The following GATD1 variants were observed in gnomAD, a reference collection of about 807,000 sequenced individuals.
GATD1 encodes glutamine amidotransferase class 1 domain containing 1, also known as glutamine amidotransferase-like class 1 domain-containing protein 1.
In GATD1, 23 loss-of-function variants were observed where a neutral mutation model predicts 25.9. The observed-to-expected ratio is 0.89, with a 90% CI of 0.64 to 1.26. The LOEUF (loss-of-function observed/expected upper bound fraction) is 1.26. Among genes scored for constraint, GATD1 ranks in the 50% most tolerant of loss-of-function variants. The pLI is 0.00. For missense variants in GATD1, 347 were observed against 312.5 expected (o/e 1.11, Z -0.83); for synonymous variants, 177 against 134.6 (o/e 1.31, Z -2.18).
Position 769,093 on chromosome 11 carries a change from C to A in GATD1, c.*1804G>T. 2.1e-6 allele frequency: 2 copies of A among 946,254 alleles called. No homozygotes were observed. Among genetic ancestry groups the A allele is most frequent in the Non-Finnish European group, 2.5e-6 (2 of 810,882 alleles). 58.6% of individuals were successfully genotyped at this position (946,254 alleles called of 1,614,324 possible). A position where few individuals can be genotyped will look rare whatever the true frequency, so the allele number is the denominator to read the frequency against. ...TCCAGCCTGGGTGACGAGAGACAAACTCCATCTCAAAAAATAAATAAAATA... is the reference window on the plus strand; with the variant it reads ...TCCAGCCTGGGTGACGAGAGACAAAATCCATCTCAAAAAATAAATAAAATA... On this transcript the variant is annotated 3_prime_UTR_variant, in exon 8 of 8. Coordinates refer to ENST00000319863, the MANE Select transcript of GATD1 (RefSeq NM_182612.4).
At position 769,859 on chromosome 11, in the gene GATD1, G is replaced by A. The variant is rs1357062333; in HGVS notation, c.*1038C>T. ...TCTCGATCTCCTGACCTCGTGATCC[G>A]CCCGCCTCGGCCTCCCAAAGTGCTG... On this transcript the variant is annotated 3_prime_UTR_variant, in exon 8 of 8. Coordinates refer to ENST00000319863, the MANE Select transcript of GATD1 (RefSeq NM_182612.4). 71 of 894,450 alleles carry A rather than the reference G, an allele frequency of 7.9e-5. No individual in the cohort carries two copies. Among genetic ancestry groups the A allele is most frequent in the Non-Finnish European group, 9.0e-5 (67 of 748,220 alleles). 55.4% of individuals were successfully genotyped at this position (894,450 alleles called of 1,614,324 possible).
chr11:775,089 T>C lies in GATD1; in HGVS notation c.118A>G (p.Asn40Asp). The change falls in exon 2 of 8, where the codon AAC (asparagine) becomes GAC (aspartate). Residue 40 changes from asparagine to aspartate, a missense_variant. Coordinates refer to ENST00000319863, the MANE Select transcript of GATD1 (RefSeq NM_182612.4). ...HCFTMASTAF[N>D]LQVATPGGKA... ...ACCCCAGGGGTGGCCACCTGCAGGT[T>C]GAAGGCGGTGCTGGCCATCGTGAAA... 6.2e-7 allele frequency: 1 copy of C among 1,605,094 alleles called. No homozygotes were observed. Among genetic ancestry groups the C allele is most frequent in the Non-Finnish European group, 8.5e-7 (1 of 1,177,034 alleles).
chr11:767,450 G>C lies in GATD1; in HGVS notation c.*3447C>G, dbSNP rs1456374850. The C allele has an allele frequency of 1.4e-6, 2 of 1,470,114 alleles. No homozygotes were observed. Among genetic ancestry groups the C allele is most frequent in the Admixed American group, 5.1e-5 (2 of 39,190 alleles). The allele number at this position is 1,470,114 out of a possible 1,614,324, so 91.1% of individuals were successfully genotyped here. A position where few individuals can be genotyped will look rare whatever the true frequency, so the allele number is the denominator to read the frequency against. On this transcript the variant is annotated 3_prime_UTR_variant, in exon 8 of 8. Coordinates refer to ENST00000319863, the MANE Select transcript of GATD1 (RefSeq NM_182612.4). ...TCGCACGCAGCTGAGGAATGACGCA[G>C]GGGCCTGCAGGCAGCTCACGCGGAG...
chr11:767,259 G>C lies in GATD1; in HGVS notation c.*3638C>G, dbSNP rs1393373807. 3.3e-6 allele frequency: 5 copies of C among 1,536,030 alleles called. No individual in the cohort carries two copies. The highest frequency in any genetic ancestry group is 4.4e-6 in the Non-Finnish European group (5 of 1,146,892). ...TGCATGGTTTTATTCCTCATGGGTAGATGAACACACACTGGTATATGGGGA... is the reference window on the plus strand; with the variant it reads ...TGCATGGTTTTATTCCTCATGGGTACATGAACACACACTGGTATATGGGGA... On this transcript the variant is annotated 3_prime_UTR_variant, in exon 8 of 8. Transcript: ENST00000319863.
rs775258131 is a variant in GATD1, at chr11:771,025, G to A, written c.624C>T (p.Ala208=). The stretch of plus-strand genomic sequence containing the variant: ...CACAGAGGAAGAGCAGGTTCTGCAC[G>A]GCCGGGACAGTGGAGCTGGCATTCT... ...TGQNASSTVP[A]VQNLLFLCGS... is the part of the protein sequence containing the mutation. Residue 208 remains alanine, a synonymous_variant, in exon 7 of 8, where the codon GCC becomes GCT. Transcript: ENST00000319863. 1.4e-5 allele frequency: 22 copies of A among 1,613,076 alleles called. No individual in the cohort carries two copies. The highest frequency in any genetic ancestry group is 6.7e-5 in the African/African-American group (5 of 74,944).
At chr11:773,423 C>T in intron 4 of GATD1, 99 bp downstream of exon 4, 1 of 1,009,846 alleles carries the variant, frequency 9.9e-7, no homozygotes, top group Non-Finnish European at 1.5e-6. Flanking sequence ...TCCAGAAACG[C>T]CTACCTGGAG....
In GATD1 at chr11:770,505, C is replaced by T; in HGVS notation, c.*392G>A. ...AGTGAAAGAGGTGGTGGGTGGCAGA[C>T]AGGCCACAGCAGGGCAAACCCACAC... On this transcript the variant is annotated 3_prime_UTR_variant, in exon 8 of 8. Transcript: ENST00000319863. 3 of 1,431,290 alleles carry T rather than the reference C, an allele frequency of 2.1e-6. No homozygotes were observed. Among genetic ancestry groups the T allele is most frequent in the South Asian group, 2.9e-5 (2 of 67,808 alleles). The allele number at this position is 1,431,290 out of a possible 1,614,324, so 88.7% of individuals were successfully genotyped here. A position where few individuals can be genotyped will look rare whatever the true frequency, so the allele number is the denominator to read the frequency against.
At chr11:775,755 C>A (rs1863896307) in intron 1 of GATD1, among the ~76,000 whole-genome samples, 1 of 152,104 alleles carries the variant, frequency 6.6e-6, no homozygotes, top group Non-Finnish European at 1.5e-5. Flanking sequence ...TTCCTAGCAT[C>A]CTTCGGCCCC....
At position 770,980 on chromosome 11, in the gene GATD1, C is replaced by G. The variant is rs377335393; in HGVS notation, c.656+13G>C. The G allele has an allele frequency of 5.0e-6, 8 of 1,613,354 alleles. No individual in the cohort carries two copies. The highest frequency in any genetic ancestry group is 6.8e-6 in the Non-Finnish European group (8 of 1,180,008). On this transcript the variant is annotated intron_variant, in intron 7 of 7. Coordinates refer to ENST00000319863, the MANE Select transcript of GATD1 (RefSeq NM_182612.4). The stretch of plus-strand genomic sequence containing the variant: ...CTGATGTGGCAGGAATGTGCCCACC[C>G]TGGTGCCCTCACCGGCTGCCACAGA...
chr11:777,223 C>G (rs1277334786), intron 1 of GATD1, 176 bp downstream of exon 1: 1 of 282,322 alleles, frequency 3.5e-6, no homozygotes, highest in African/African-American at 2.3e-5. Flanking sequence ...GTCCCCGCCC[C>G]GAGCTCCATC....
intron 3 of GATD1, among the ~76,000 whole-genome samples, 182 bp downstream of exon 3, chr11:773,826 C>A (rs754741718): frequency 6.6e-6 from 1 of 152,184 alleles, no homozygotes; most frequent in African/African-American, 2.4e-5. Context: ...CTCACCAACT[C>A]TCCTCCCCAG....
intron 6 of GATD1, 55 bp from the exon 7 acceptor site, chr11:771,159 G>A (rs1443155647): frequency 4.5e-6 from 7 of 1,548,798 alleles, no homozygotes; most frequent in Non-Finnish European, 5.2e-6. Flanking sequence ...CCCACTGAGA[G>A]CCTCGAACTC....
intron 5 of GATD1, 46 bp from the exon 6 acceptor site, chr11:771,472 G>A (rs1326498524): frequency 6.7e-6 from 10 of 1,492,214 alleles, no homozygotes; most frequent in Middle Eastern, 1.8e-4. Context: ...CAGGCCCTGC[G>A]GCCCACCCCA....
intron 4 of GATD1, 150 bp from the exon 5 acceptor site, chr11:772,671 G>C (rs1010059850): frequency 1.5e-6 from 1 of 684,900 alleles, no homozygotes; most frequent in East Asian, 2.7e-5. Flanking sequence ...CTCAGCACCC[G>C]GGTGTCCTGG....
At position 775,072 on chromosome 11, in the gene GATD1, G is replaced by A. The variant is rs201390907; in HGVS notation, c.135C>T (p.Thr45=). Residue 45 remains threonine (T), a synonymous_variant, in exon 2 of 8, where the codon ACC becomes ACT. Transcript: ENST00000319863. ...AAGGAGAGGCTGGACTTACCCCAGG[G>A]GTGGCCACCTGCAGGTTGAAGGCGG... ...ASTAFNLQVA[T]PGGKAMEFVD... 7 of 1,602,968 alleles carry A rather than the reference G, an allele frequency of 4.4e-6. No homozygotes were observed. The highest frequency in any genetic ancestry group is 1.7e-4 in the Middle Eastern group (1 of 6,036).
rs565427663 is a variant in GATD1 at position 775,566 on chromosome 11, G to A, written c.65-424C>T. 3.3e-5 allele frequency among the ~76,000 whole-genome samples: 5 copies of A among 152,302 alleles called. No homozygotes were observed. In the South Asian group the frequency reaches 8.3e-4, roughly 25 times the overall value. On this transcript the variant is annotated intron_variant, in intron 1 of 7. Coordinates refer to ENST00000319863, the MANE Select transcript of GATD1 (RefSeq NM_182612.4). ...AGAGACCTTTCTGAAAGGCAAACCC[G>A]GGTGTGAGGGTCACAGAGTTCAGCT...
Position 770,486 on chromosome 11 carries a change from AGAGGTG to A in GATD1, c.*405_*410del. On this transcript the variant is annotated 3_prime_UTR_variant, in exon 8 of 8. Transcript: ENST00000319863. ...CCTCAAGGCCCCCACCAACAGTGAA[AGAGGTG>A]GTGGGTGGCAGACAGGCCACAGCAG... The A allele has an allele frequency of 6.9e-7, 1 of 1,441,086 alleles. No homozygotes were observed. Among genetic ancestry groups the A allele is most frequent in the Non-Finnish European group, 9.1e-7 (1 of 1,097,230 alleles). 89.3% of individuals were successfully genotyped at this position (1,441,086 alleles called of 1,614,324 possible).
At chr11:777,204 C>T (rs1864083462) in intron 1 of GATD1, 195 bp downstream of exon 1, 1 of 218,434 alleles carries the variant, frequency 4.6e-6, no homozygotes, top group Non-Finnish European at 8.8e-6. Flanking sequence ...CGACCCCACC[C>T]CCGCCCCCGT....
chr11:776,172 G>A (rs1476468239), intron 1 of GATD1, among the ~76,000 whole-genome samples: 2 of 151,666 alleles, frequency 1.3e-5, no homozygotes, highest in African/African-American at 2.4e-5. Context: ...TAGTAGAGAC[G>A]GAGTTTCACT....
Sources: allele counts gnomAD v4.1 joint callset (sites outside exome capture counted in the v4.1 genomes callset), GRCh38; gene constraint gnomAD v4.1.1; transcripts MANE v1.5; gene names NCBI Gene and HGNC (gene_info 2026-07-23, HGNC 2026-07-21).